The following EP300 variants were observed in gnomAD, a reference collection of about 807,000 sequenced individuals.
The protein encoded by EP300 is histone acetyltransferase p300.
EP300 carries 31 observed loss-of-function variants against 264.0 expected under a neutral mutation model. That is an observed-to-expected ratio of 0.12 (90% confidence interval 0.09 to 0.16). EP300 has a LOEUF of 0.16. EP300 is among the 10% of genes least tolerant of loss of function. The pLI is 1.00. For synonymous variants in EP300, 1,340 were observed against 1,045.4 expected, an observed-to-expected ratio of 1.28 and a Z score of -5.44; for missense variants, 2,766 against 3,052.9, an observed-to-expected ratio of 0.91 and a Z score of 2.21.
At chr22:41,132,794 T>C (rs2145717245) in intron 6 of EP300, among the ~76,000 whole-genome samples, 1 of 152,264 alleles carries the variant, frequency 6.6e-6, no homozygotes. Context: ...ACTTCCTGTT[T>C]TATGACTGAG....
intron 22 of EP300, 52 bp downstream of exon 22, chr22:41,164,182 TAACAAG>T: frequency 2.6e-6 from 4 of 1,511,472 alleles, no homozygotes; most frequent in Non-Finnish European, 3.7e-6. Context: ...TCGTGAATAT[TAACAAG>T]TTTTTTATTC....
rs2145515906 is a variant in EP300 at position 41,177,153 on chromosome 22, G to A, written c.5442G>A (p.Arg1814=). ...PFCLNIKQKL[R]QQQLQHRLQQ... is the part of the protein sequence containing the mutation. ...GCCTAAACATCAAGCAGAAGCTCCG[G>A]CAGCAACAGCTGCAGCACCGACTAC... Residue 1814 remains arginine (R), a synonymous_variant, in exon 31 of 31, where the codon CGG becomes CGA. Coordinates refer to ENST00000263253, the MANE Select transcript of EP300 (RefSeq NM_001429.4). The A allele has an allele frequency of 2.5e-6, 4 of 1,614,072 alleles. No individual in the cohort carries two copies. The highest frequency in any genetic ancestry group is 3.4e-6 in the Non-Finnish European group (4 of 1,180,014).
At chr22:41,164,245 G>C in intron 22 of EP300, 115 bp downstream of exon 22, 1 of 1,036,580 alleles carries the variant, frequency 9.6e-7, no homozygotes. Flanking sequence ...TCTTTAAATT[G>C]TTTTCTTTGG....
Position 41,173,847 on chromosome 22 carries a change from C to T in EP300, c.4779+63C>T, listed in dbSNP as rs1245169527. ...AGATTTCTGGCCAGGCATGGTGGCT[C>T]ACACCTGTAATCCCAGCACTTTGGG... On this transcript the variant is annotated intron_variant, in intron 29 of 30. Transcript: ENST00000263253. 6.2e-6 allele frequency: 10 copies of T among 1,600,194 alleles called. No homozygotes were observed. The East Asian group carries it at 1.1e-4, about 18-fold the overall frequency.
rs190468078 is a variant in EP300, at chr22:41,102,797, A to G, written c.94+9699A>G. Among the ~76,000 whole-genome samples, 5 of 152,326 alleles carry G rather than the reference A, an allele frequency of 3.3e-5. No homozygotes were observed. In the East Asian group the frequency reaches 9.6e-4, roughly 29 times the overall value. ...TTAGAAGTTAGGTAGTAAGATGGAC[A>G]AATCAAGGATAATTCCCCAGTTTAA... is the stretch of plus-strand genomic sequence containing the variant. On this transcript the variant is annotated intron_variant, in intron 1 of 30. Coordinates refer to ENST00000263253, the MANE Select transcript of EP300 (RefSeq NM_001429.4).
At chr22:41,129,018 GT>G (rs545122020) in intron 4 of EP300, among the ~76,000 whole-genome samples, 4 of 147,552 alleles carry the variant, frequency 2.7e-5, no homozygotes, top group African/African-American at 7.4e-5. Context: ...TAAAAACACA[GT>G]TTTTTTTTTG....
rs2145512210 is a variant in EP300, at chr22:41,176,270, T to A, written c.4803T>A (p.Ile1601=). 6.2e-7 allele frequency: 1 copy of A among 1,614,158 alleles called. No homozygotes were observed. Among genetic ancestry groups the A allele is most frequent in the Non-Finnish European group, 8.5e-7 (1 of 1,180,028 alleles). The change falls in exon 30 of 31, where the codon ATT becomes ATA. Residue 1601 remains isoleucine (I), a synonymous_variant. Transcript: ENST00000263253. The stretch of plus-strand genomic sequence containing the variant: ...AGGTCTTCTTTGTGATCCGCCTCAT[T>A]GCTGGCCCTGCTGCCAACTCCCTGC... ...HKEVFFVIRL[I]AGPAANSLPP... is the part of the protein sequence containing the mutation.
At position 41,178,987 on chromosome 22, in the gene EP300, AATT is replaced by A. The variant is rs777871528; in HGVS notation, c.*35_*37del. 2.9e-5 allele frequency: 47 copies of A among 1,611,334 alleles called. No homozygotes were observed. Among genetic ancestry groups the A allele is most frequent in the Non-Finnish European group, 3.7e-5 (44 of 1,179,550 alleles). On this transcript the variant is annotated 3_prime_UTR_variant, in exon 31 of 31. Transcript: ENST00000263253. ...CCTTGTAGTATTTTGGGAGCAAAAA[AATT>A]ATTTTCTCTTAACAAGACTTTTTGT...
rs2059232564 is a variant in EP300 at position 41,179,879 on chromosome 22, CTCACACACACACACACA to C, written c.*924_*940del. 5.6e-4 allele frequency: 78 copies of C among 140,356 alleles called. 1 individual carries two copies. Among genetic ancestry groups the C allele is most frequent in the Non-Finnish European group, 7.7e-4 (58 of 75,486 alleles). The allele number at this position is 140,356 out of a possible 1,614,324, so 8.7% of individuals were successfully genotyped here. On this transcript the variant is annotated 3_prime_UTR_variant, in exon 31 of 31. Coordinates refer to ENST00000263253, the MANE Select transcript of EP300 (RefSeq NM_001429.4). Reference sequence around the variant, plus strand: ...TTCTTCCTCCTTACCCTACCCCCCACTCACACACACACACACACACACACACACACACACACACACAC... The same window carrying C: ...TTCTTCCTCCTTACCCTACCCCCCACCACACACACACACACACACACACAC...
intron 16 of EP300, among the ~76,000 whole-genome samples, chr22:41,153,484 C>T (rs2059058744): frequency 6.6e-6 from 1 of 152,164 alleles, no homozygotes; most frequent in African/African-American, 2.4e-5. Context: ...TGTGTGTTCC[C>T]TCATGCCTGT....
chr22:41,176,562 C>A (rs77540024), intron 30 of EP300, 34 bp downstream of exon 30: 1 of 1,612,788 alleles, frequency 6.2e-7, no homozygotes, highest in Non-Finnish European at 8.5e-7. Flanking sequence ...AGGAGGTGAG[C>A]TCCGCAGGGT....
intron 13 of EP300, 150 bp downstream of exon 13, chr22:41,149,325 A>C (rs1319889023): frequency 8.1e-6 from 7 of 865,900 alleles, no homozygotes; most frequent in Non-Finnish European, 1.3e-5. Context: ...TATTCTGAAC[A>C]TGAAGAGATT....
intron 20 of EP300, among the ~76,000 whole-genome samples, chr22:41,161,509 C>T (rs1435987719): frequency 1.3e-5 from 2 of 151,884 alleles, no homozygotes; most frequent in Non-Finnish European, 1.5e-5. Context: ...CCCAGCTACT[C>T]GGGAGGCTGA....
At chr22:41,133,888 A>G (rs1227736133) in intron 6 of EP300, among the ~76,000 whole-genome samples, 1 of 152,224 alleles carries the variant, frequency 6.6e-6, no homozygotes, top group Non-Finnish European at 1.5e-5. Flanking sequence ...GTTTTGTCAG[A>G]AACTGAAAGT....
chr22:41,092,934 G>T lies in EP300; in HGVS notation c.-71G>T. 6.3e-7 allele frequency: 1 copy of T among 1,576,728 alleles called. No individual in the cohort carries two copies. Among genetic ancestry groups the T allele is most frequent in the Non-Finnish European group, 8.7e-7 (1 of 1,146,972 alleles). ...AGCCCACCCCTGGGTGCGGCGCGGG[G>T]ACCCCGGGCCGAAGAAGAGATTTCC... is the stretch of plus-strand genomic sequence containing the variant. On this transcript the variant is annotated 5_prime_UTR_variant, in exon 1 of 31. Coordinates refer to ENST00000263253, the MANE Select transcript of EP300 (RefSeq NM_001429.4).
chr22:41,169,403 G>T (rs1183378637), intron 25 of EP300, 100 bp from the exon 26 acceptor site: 4 of 781,110 alleles, frequency 5.1e-6, no homozygotes, highest in African/African-American at 5.1e-5. Context: ...TGAGCAAAGA[G>T]CCTGGGAGAG....
Position 41,092,894 on chromosome 22 carries a change from C to T in EP300, c.-111C>T, listed in dbSNP as rs866191998. ...GGAACTTCCCCCACCCCCTCGGGTG[C>T]CGTCGGAGCCCCCCAGCCCACCCCT... is the stretch of plus-strand genomic sequence containing the variant. On this transcript the variant is annotated 5_prime_UTR_variant, in exon 1 of 31. Coordinates refer to ENST00000263253, the MANE Select transcript of EP300 (RefSeq NM_001429.4). 5.9e-6 allele frequency: 7 copies of T among 1,177,000 alleles called. No individual in the cohort carries two copies. Among genetic ancestry groups the T allele is most frequent in the Middle Eastern group, 4.9e-4 (2 of 4,096 alleles). 72.9% of individuals were successfully genotyped at this position (1,177,000 alleles called of 1,614,324 possible). A position where few individuals can be genotyped will look rare whatever the true frequency, so the allele number is the denominator to read the frequency against.
chr22:41,169,634 A>G lies in EP300; in HGVS notation c.4286+18A>G, dbSNP rs1178983134. 2.1e-6 allele frequency: 3 copies of G among 1,453,550 alleles called. No homozygotes were observed. The highest frequency in any genetic ancestry group is 1.9e-6 in the Non-Finnish European group (2 of 1,037,806). 90.0% of individuals were successfully genotyped at this position (1,453,550 alleles called of 1,614,324 possible). A position where few individuals can be genotyped will look rare whatever the true frequency, so the allele number is the denominator to read the frequency against. Reference sequence around the variant, plus strand: ...AAATTAGGGTAAGCATATTTTGATAATGGCTTTTTTTCTTTAACTAGCATG... The same window carrying G: ...AAATTAGGGTAAGCATATTTTGATAGTGGCTTTTTTTCTTTAACTAGCATG... On this transcript the variant is annotated intron_variant, in intron 26 of 30. Transcript: ENST00000263253.
chr22:41,124,691 A>G (rs1601602840), intron 2 of EP300, among the ~76,000 whole-genome samples: 3 of 152,164 alleles, frequency 2.0e-5, no homozygotes, highest in South Asian at 2.1e-4. Flanking sequence ...GAACATGACA[A>G]AGGGGTTAGA....
Sources: gnomAD v4.1 joint callset for allele counts (sites outside exome capture counted in the v4.1 genomes callset) on GRCh38, gnomAD v4.1.1 for gene constraint, MANE v1.5 for transcripts, NCBI Gene and HGNC (gene_info 2026-07-23, HGNC 2026-07-21) for gene names.